Variants in TOP1 observed in about 807,000 individuals in gnomAD.
TOP1 encodes DNA topoisomerase I.
Under a neutral mutation model 111.1 loss-of-function variants are expected in TOP1, and 10 were observed. That is an observed-to-expected ratio of 0.09 (90% CI 0.06 to 0.15). The LOEUF (loss-of-function observed/expected upper bound fraction) is 0.15, where lower values mean the gene tolerates loss of function less well. Among genes scored for constraint, TOP1 ranks in the 10% least tolerant of loss-of-function variants. TOP1 has a pLI of 1.00. For missense variants in TOP1, 474 were observed against 926.7 expected, an observed-to-expected ratio of 0.51 and a Z score of 6.34; for synonymous variants, 271 against 302.9, an observed-to-expected ratio of 0.89 and a Z score of 1.10.
Position 41,034,738 on chromosome 20 carries a change from A to G in TOP1, c.58+5283A>G, listed in dbSNP as rs1568668976. On this transcript the variant is annotated intron_variant, in intron 2 of 20. Coordinates refer to ENST00000361337, the MANE Select transcript of TOP1 (RefSeq NM_003286.4). The surrounding 1 kb of genome is among the most constrained non-coding windows in gnomAD (Gnocchi z 4.0). ...GGTATCTCATGCATATCTCTGGAGTATATAGATCGTAATATCAACTTTGGC... is the reference window on the plus strand; with the variant it reads ...GGTATCTCATGCATATCTCTGGAGTGTATAGATCGTAATATCAACTTTGGC... 6.6e-6 allele frequency among the ~76,000 whole-genome samples: 1 copy of G among 152,210 alleles called. No individual in the cohort carries two copies. Among genetic ancestry groups the G allele is most frequent in the East Asian group, 1.9e-4 (1 of 5,204 alleles).
rs568091805 is a variant in TOP1, at chr20:41,100,930, G to C, written c.1164-279G>C. 1.0e-3 allele frequency: 417 copies of C among 404,124 alleles called. 5 individuals are homozygous for C. In the South Asian group the frequency reaches 0.013, roughly 13 times the overall value. 25.0% of individuals were successfully genotyped at this position (404,124 alleles called of 1,614,324 possible). A position where few individuals can be genotyped will look rare whatever the true frequency, so the allele number is the denominator to read the frequency against. ...ATGGTATGTTGTATATATGGTTCAC[G>C]CATCCCAGGTGGGACTACAAGAGAT... On this transcript the variant is annotated intron_variant, in intron 12 of 20. Transcript: ENST00000361337. The surrounding 1 kb of genome is among the most constrained non-coding windows in gnomAD (Gnocchi z 4.4).
chr20:41,043,536 A>G (rs1395731762), intron 2 of TOP1, among the ~76,000 whole-genome samples: 1 of 152,258 alleles, frequency 6.6e-6, no homozygotes, highest in African/African-American at 2.4e-5. Context: ...CTAGTGGCCC[A>G]GAGAATGGCC....
rs2033725622 is a variant in TOP1, at chr20:41,076,214, A to C, written c.199A>C (p.Thr67Pro). ...AAAGAAACACAAAGAGAAGGAGAAGACCAAACACAAAGATGGAAGCTCAGA... is the reference window on the plus strand; with the variant it reads ...AAAGAAACACAAAGAGAAGGAGAAGCCCAAACACAAAGATGGAAGCTCAGA... ...SEKKHKEKEKTKHKDGSSEKH... is the reference protein window; with the variant it reads ...SEKKHKEKEKPKHKDGSSEKH... The change falls in exon 4 of 21, where the codon ACC becomes CCC. Residue 67 changes from threonine to proline, a missense_variant. Physicochemically the swap from Thr to Pro is conservative, Grantham distance 38. Around this residue, in one of 14 missense-constraint regions of TOP1, gnomAD observed 185 missense variants for 226.3 expected, o/e 0.82. Transcript: ENST00000361337. The C allele has an allele frequency of 2.5e-6, 4 of 1,603,374 alleles. No individual in the cohort carries two copies. Among genetic ancestry groups the C allele is most frequent in the Non-Finnish European group, 3.4e-6 (4 of 1,170,502 alleles).
chr20:41,115,335 C>T lies in TOP1; in HGVS notation c.1639-36C>T. On this transcript the variant is annotated intron_variant, in intron 15 of 20. Coordinates refer to ENST00000361337, the MANE Select transcript of TOP1 (RefSeq NM_003286.4). The surrounding 1 kb of genome is among the most constrained non-coding windows in gnomAD (Gnocchi z 6.3). ...TTATTTCTAAAGTTAGGATTTTTTT[C>T]AAGAGTAATAATTAGGATTCACTTA... 1.4e-6 allele frequency: 2 copies of T among 1,476,958 alleles called. No homozygotes were observed. The highest frequency in any genetic ancestry group is 1.9e-6 in the Non-Finnish European group (2 of 1,063,606). 91.5% of individuals were successfully genotyped at this position (1,476,958 alleles called of 1,614,324 possible).
chr20:41,111,140 A>G (rs1040091403), intron 13 of TOP1, among the ~76,000 whole-genome samples: 2 of 152,214 alleles, frequency 1.3e-5, no homozygotes, highest in South Asian at 2.1e-4. Context: ...AGGCTTTGGT[A>G]GTCCATGTGC....
chr20:41,060,822 A>G (rs1240579186), intron 2 of TOP1, among the ~76,000 whole-genome samples: 4 of 152,168 alleles, frequency 2.6e-5, no homozygotes, highest in African/African-American at 7.2e-5. Flanking sequence ...AACTATATAA[A>G]TAGTTGTTAT....
chr20:41,088,492 G>T (rs2033874830), intron 8 of TOP1, among the ~76,000 whole-genome samples: 1 of 152,150 alleles, frequency 6.6e-6, no homozygotes. Flanking sequence ...GACAGAGCGA[G>T]ACTCTGTCTC....
In TOP1 at chr20:41,078,538, A is replaced by G. The variant is rs2033754730; in HGVS notation, c.335+901A>G. ...AGAAAAGCAGGTGCCCTCTTCAGGC[A>G]TGTTTCATAATTGTTCTAGGAATGC... On this transcript the variant is annotated intron_variant, in intron 5 of 20. Coordinates refer to ENST00000361337, the MANE Select transcript of TOP1 (RefSeq NM_003286.4). This position sits in a 1 kb window ranked among gnomAD's most constrained non-coding sequence, Gnocchi z 5.3. Among the ~76,000 whole-genome samples, 1 of 152,230 alleles carries G rather than the reference A, an allele frequency of 6.6e-6. No individual in the cohort carries two copies. Among genetic ancestry groups the G allele is most frequent in the African/African-American group, 2.4e-5 (1 of 41,460 alleles).
chr20:41,030,354 G>T lies in TOP1; in HGVS notation c.58+899G>T, dbSNP rs1473077846. Among the ~76,000 whole-genome samples, 2 of 152,020 alleles carry T rather than the reference G, an allele frequency of 1.3e-5. No homozygotes were observed. Among genetic ancestry groups the T allele is most frequent in the African/African-American group, 4.8e-5 (2 of 41,380 alleles). On this transcript the variant is annotated intron_variant, in intron 2 of 20. Transcript: ENST00000361337. The surrounding 1 kb of genome is among the most constrained non-coding windows in gnomAD (Gnocchi z 4.1). ...GTGGACCTGGTGTGTTGGCCTTTTC[G>T]TTTGGGTTGTAAGGAGGAAAAAAAG...
chr20:41,070,361 G>A (rs777135143), intron 3 of TOP1, among the ~76,000 whole-genome samples: 3 of 152,104 alleles, frequency 2.0e-5, no homozygotes, highest in Non-Finnish European at 4.4e-5. Flanking sequence ...CATTTACCTT[G>A]AAGTTTTGAT....
In TOP1 at chr20:41,081,166, G is replaced by A; in HGVS notation, c.433G>A (p.Ala145Thr). ...PLKRPRDEDDADYKPKKIKTE... is the reference protein window; with the variant it reads ...PLKRPRDEDDTDYKPKKIKTE... ...GTGTATTCATGTTCCCCTTTCTAGT[G>A]CTGATTATAAACCTAAGAAAATTAA... is the stretch of plus-strand genomic sequence containing the variant. Residue 145 changes from alanine to threonine, a missense_variant and splice_region_variant, in exon 7 of 21, where the codon GCT (alanine) becomes ACT (threonine). Around this residue, in one of 14 missense-constraint regions of TOP1, gnomAD observed 185 missense variants for 226.3 expected, o/e 0.82. Transcript: ENST00000361337. 6.3e-7 allele frequency: 1 copy of A among 1,594,970 alleles called. No individual in the cohort carries two copies. Among genetic ancestry groups the A allele is most frequent in the Non-Finnish European group, 8.6e-7 (1 of 1,168,978 alleles).
At chr20:41,047,934 G>T (rs1389014356) in intron 2 of TOP1, among the ~76,000 whole-genome samples, 2 of 152,108 alleles carry the variant, frequency 1.3e-5, no homozygotes, top group Non-Finnish European at 2.9e-5. Context: ...ATTTTAAAGA[G>T]CTTGACTAAC....
chr20:41,100,299 G>A lies in TOP1; in HGVS notation c.1163+56G>A, dbSNP rs2034042173. On this transcript the variant is annotated intron_variant, in intron 12 of 20. Transcript: ENST00000361337. This position sits in a 1 kb window ranked among gnomAD's most constrained non-coding sequence, Gnocchi z 4.4. ...AAGGGGGTGGAGGGCGTCCTTTATT[G>A]TACTTGGGAATATTTCCCAGGTTAC... 2.8e-6 allele frequency: 4 copies of A among 1,454,362 alleles called. No individual in the cohort carries two copies. In the Admixed American group the frequency reaches 5.8e-5, roughly 21 times the overall value. 90.1% of individuals were successfully genotyped at this position (1,454,362 alleles called of 1,614,324 possible). A position where few individuals can be genotyped will look rare whatever the true frequency, so the allele number is the denominator to read the frequency against.
chr20:41,086,521 C>T (rs1276362599), intron 8 of TOP1, among the ~76,000 whole-genome samples: 1 of 152,192 alleles, frequency 6.6e-6, no homozygotes, highest in Non-Finnish European at 1.5e-5. Flanking sequence ...TCAGGAGCTC[C>T]CTGCTGTCTC....
rs372180611 is a variant in TOP1, at chr20:41,113,953, C to G, written c.1453-17C>G. 3.8e-6 allele frequency: 6 copies of G among 1,579,574 alleles called. No individual in the cohort carries two copies. In the African/African-American group the frequency reaches 8.2e-5, roughly 22 times the overall value. ...TCTCTTCCATTCATGCTCATCTTTT[C>G]TTTCTTTCCTGGGCAGCTTGCTCTG... On this transcript the variant is annotated splice_polypyrimidine_tract_variant and intron_variant, in intron 14 of 20. Transcript: ENST00000361337.
intron 3 of TOP1, chr20:41,072,725 A>T (rs1482745167): frequency 1.0e-6 from 1 of 985,326 alleles, no homozygotes; most frequent in African/African-American, 1.7e-5. Context: ...CGGTAACAGC[A>T]CCTGACAAGT....
At position 41,036,272 on chromosome 20, in the gene TOP1, G is replaced by C. The variant is rs543348870; in HGVS notation, c.58+6817G>C. On this transcript the variant is annotated intron_variant, in intron 2 of 20. Transcript: ENST00000361337. ...CTGCCCTTGATTATCTGCTGTTAGA[G>C]ATAGCTTGGACCCTTTGTATGTGGA... Among the ~76,000 whole-genome samples, 4 of 152,262 alleles carry C rather than the reference G, an allele frequency of 2.6e-5. No homozygotes were observed. In the East Asian group the frequency reaches 7.7e-4, roughly 29 times the overall value.
At chr20:41,081,053 A>G (rs139823509) in intron 6 of TOP1, 112 bp from the exon 7 acceptor site, 7 of 890,412 alleles carry the variant, frequency 7.9e-6, no homozygotes, top group Non-Finnish European at 1.0e-5. Flanking sequence ...CCAGCCAAGA[A>G]TAACAGTGAT....
At chr20:41,040,741 G>T (rs1283186421) in intron 2 of TOP1, among the ~76,000 whole-genome samples, 1 of 150,248 alleles carries the variant, frequency 6.7e-6, no homozygotes, top group Non-Finnish European at 1.5e-5. Flanking sequence ...GGGAGGCAGA[G>T]GTTGCAATGA....
Sources: allele counts gnomAD v4.1 joint callset (sites outside exome capture counted in the v4.1 genomes callset), GRCh38; gene constraint gnomAD v4.1.1; regional missense constraint gnomAD v4.1.1; non-coding constraint Gnocchi (gnomAD v3.1); transcripts MANE v1.5; gene names NCBI Gene and HGNC (gene_info 2026-07-23, HGNC 2026-07-21).